Variants in LTBP1 observed in about 807,000 individuals in gnomAD.
The protein encoded by LTBP1 is latent transforming growth factor beta binding protein 1, also known as latent-transforming growth factor beta-binding protein 1.
A neutral mutation model predicts 207.6 loss-of-function variants in LTBP1; 129 were observed. The observed-to-expected ratio is 0.62, with a 90% CI of 0.54 to 0.72. The LOEUF is 0.72. Ranked by LOEUF, LTBP1 falls within the 30% of genes least tolerant of loss-of-function variation. The pLI, the probability that LTBP1 is intolerant of heterozygous loss-of-function variation, is 0.00. For synonymous variants in LTBP1, 963 were observed against 833.7 expected, an observed-to-expected ratio of 1.16 and a Z score of -2.67; for missense variants, 2,281 against 2,217.2, an observed-to-expected ratio of 1.03 and a Z score of -0.58.
intron 5 of LTBP1, among the ~76,000 whole-genome samples, chr2:33,136,797 G>T (rs1284648105): frequency 1.3e-5 from 2 of 152,190 alleles, no homozygotes; most frequent in Non-Finnish European, 2.9e-5. Flanking sequence ...TGCTGGCACT[G>T]AACCAGATGT....
rs1242572108 is a variant in LTBP1 at position 32,947,166 on chromosome 2, C to G, written c.-159C>G. 1 of 445,898 alleles carries G rather than the reference C, an allele frequency of 2.2e-6. No individual in the cohort carries two copies. 27.6% of individuals were successfully genotyped at this position (445,898 alleles called of 1,614,324 possible). On this transcript the variant is annotated 5_prime_UTR_variant, in exon 1 of 34. Coordinates refer to ENST00000404816, the MANE Select transcript of LTBP1 (RefSeq NM_206943.4). ...CGGGGTCTGGGGCCGCTCAGCTGCC[C>G]GCAGAGCCTCCTCCCTCGCCACCGA...
intron 18 of LTBP1, among the ~76,000 whole-genome samples, chr2:33,277,760 C>CCTTT (rs370778507): frequency 0.054 from 5,195 of 95,604 alleles, 474 homozygotes; most frequent in East Asian, 0.17. Context: ...TTTTTTTTTC[C>CCTTT]CTTTCTTTCT....
rs188435677 is a variant in LTBP1, at chr2:33,300,127, G to A, written c.3236-324G>A. Among the ~76,000 whole-genome samples the A allele has an allele frequency of 2.6e-5, 4 of 152,210 alleles. No individual in the cohort carries two copies. The East Asian group carries it at 5.8e-4, about 22-fold the overall frequency. On this transcript the variant is annotated intron_variant, in intron 20 of 33. Transcript: ENST00000404816. ...AAACAGGTCTGCAAACTATCTGAGC[G>A]ACATTATATTGCATCAGGTTCTGCC...
intron 3 of LTBP1, among the ~76,000 whole-genome samples, chr2:33,062,824 G>A (rs1372198690): frequency 6.6e-6 from 1 of 152,232 alleles, no homozygotes; most frequent in Non-Finnish European, 1.5e-5. Flanking sequence ...TGGGTAGTAT[G>A]TGCAGTGTGG....
intron 2 of LTBP1, among the ~76,000 whole-genome samples, chr2:32,954,242 C>T (rs752768028): frequency 2.6e-5 from 4 of 152,188 alleles, no homozygotes; most frequent in African/African-American, 4.8e-5. Context: ...CACTGCCTAA[C>T]TTCACATCAT....
chr2:33,309,482 G>C lies in LTBP1; in HGVS notation c.3530G>C (p.Cys1177Ser), dbSNP rs2094149265. The change falls in exon 23 of 34, where the codon TGC becomes TCC. Residue 1177 changes from cysteine to serine, a missense_variant. This residue lies in a region of LTBP1 where 1,671 missense variants were observed against 1,634.8 expected (regional missense o/e 1.02). Coordinates refer to ENST00000404816, the MANE Select transcript of LTBP1 (RefSeq NM_206943.4). ...AAGAGTGTTTGCCAGAGAGGAGACTGCATTAATACTGCAGGGTCCTATGAT... is the reference window on the plus strand; with the variant it reads ...AAGAGTGTTTGCCAGAGAGGAGACTCCATTAATACTGCAGGGTCCTATGAT... ...EDKSVCQRGD[C>S]INTAGSYDCT... The C allele has an allele frequency of 6.2e-7, 1 of 1,610,602 alleles. No individual in the cohort carries two copies. The highest frequency in any genetic ancestry group is 2.2e-5 in the East Asian group (1 of 44,692).
chr2:32,958,812 TCAAGG>T (rs891359499), intron 2 of LTBP1, among the ~76,000 whole-genome samples: 2 of 152,222 alleles, frequency 1.3e-5, no homozygotes, highest in African/African-American at 4.8e-5. Context: ...GACAGCTTTT[TCAAGG>T]GCACAACACC....
At chr2:33,324,628 C>T (rs1449354099) in intron 24 of LTBP1, among the ~76,000 whole-genome samples, 2 of 151,008 alleles carry the variant, frequency 1.3e-5, no homozygotes, top group Admixed American at 6.6e-5. Context: ...AGATTAAATA[C>T]ATACTTGTGA....
At chr2:33,096,613 G>A (rs2150086223) in intron 3 of LTBP1, among the ~76,000 whole-genome samples, 1 of 152,304 alleles carries the variant, frequency 6.6e-6, no homozygotes, top group South Asian at 2.1e-4. Context: ...TTTTTAAAGT[G>A]TATGTTGGTT....
intron 3 of LTBP1, among the ~76,000 whole-genome samples, chr2:33,046,778 C>T (rs2076468128): frequency 6.6e-6 from 1 of 152,272 alleles, no homozygotes; most frequent in East Asian, 1.9e-4. Context: ...TAATTACCGC[C>T]TCAATTTCAG....
chr2:32,985,219 A>T (rs1420261708), intron 2 of LTBP1, among the ~76,000 whole-genome samples: 1 of 152,160 alleles, frequency 6.6e-6, no homozygotes, highest in African/African-American at 2.4e-5. Context: ...ATCTTTATCA[A>T]TTGGTGGGTT....
At chr2:33,275,169 C>CT (rs1033204816) in intron 17 of LTBP1, 79 bp downstream of exon 17, 1 of 1,514,220 alleles carries the variant, frequency 6.6e-7, no homozygotes. Flanking sequence ...CAGTTCAGTG[C>CT]TTATCCAGAC....
At chr2:33,289,669 A>G (rs1415172437) in intron 19 of LTBP1, among the ~76,000 whole-genome samples, 2 of 152,238 alleles carry the variant, frequency 1.3e-5, no homozygotes, top group Non-Finnish European at 2.9e-5. Flanking sequence ...CCTGGCTAGA[A>G]CCAATTTTTT....
intron 4 of LTBP1, among the ~76,000 whole-genome samples, chr2:33,119,456 A>G (rs1469194521): frequency 6.6e-6 from 1 of 152,226 alleles, no homozygotes; most frequent in East Asian, 1.9e-4. Context: ...TTGTCTTCTC[A>G]TGAATTAGAT....
intron 3 of LTBP1, among the ~76,000 whole-genome samples, chr2:33,103,370 G>A (rs1416355050): frequency 6.6e-6 from 1 of 151,792 alleles, no homozygotes. Context: ...CGTATACATT[G>A]TCTGTACGCA....
At chr2:33,188,438 A>AG (rs2148839151) in intron 6 of LTBP1, 139 bp from the exon 7 acceptor site, 2 of 603,934 alleles carry the variant, frequency 3.3e-6, no homozygotes, top group East Asian at 6.2e-5. Context: ...AAAAAAAAAA[A>AG]AAAAAAGAAT....
At position 33,170,270 on chromosome 2, in the gene LTBP1, C is replaced by T. The variant is rs545390782; in HGVS notation, c.1202-16586C>T. Among the ~76,000 whole-genome samples the T allele has an allele frequency of 2.7e-3, 404 of 151,844 alleles. 1 individual carries two copies. Among genetic ancestry groups the T allele is most frequent in the Non-Finnish European group, 4.4e-3 (299 of 67,880 alleles). On this transcript the variant is annotated intron_variant, in intron 5 of 33. Transcript: ENST00000404816. Reference sequence around the variant, plus strand: ...CCTAGTCAAAGAAAGGGGTGACAGACGGCACCTGGAAAATCGGGTCACTCC... The same window carrying T: ...CCTAGTCAAAGAAAGGGGTGACAGATGGCACCTGGAAAATCGGGTCACTCC...
chr2:33,142,895 T>A (rs2082746294), intron 5 of LTBP1, among the ~76,000 whole-genome samples: 1 of 152,228 alleles, frequency 6.6e-6, no homozygotes, highest in African/African-American at 2.4e-5. Context: ...TGTAACACAA[T>A]GTCACAAAGT....
intron 22 of LTBP1, among the ~76,000 whole-genome samples, chr2:33,302,698 T>C (rs1175958158): frequency 1.3e-5 from 2 of 152,016 alleles, no homozygotes; most frequent in African/African-American, 4.8e-5. Context: ...GTAAATCAAC[T>C]TCTAAGATTT....
Sources: allele counts gnomAD v4.1 joint callset (sites outside exome capture counted in the v4.1 genomes callset), GRCh38; gene constraint gnomAD v4.1.1; regional missense constraint gnomAD v4.1.1; transcripts MANE v1.5; gene names NCBI Gene and HGNC (gene_info 2026-07-23, HGNC 2026-07-21).